TDG: variants seen among roughly 807,000 people sequenced by gnomAD.
TDG encodes the protein G/T mismatch-specific thymine DNA glycosylase.
TDG carries 23 observed loss-of-function variants against 46.1 expected under a neutral mutation model. The observed-to-expected ratio is 0.50, with a 90% CI of 0.36 to 0.71. The LOEUF (loss-of-function observed/expected upper bound fraction) is 0.71. TDG is among the 30% of genes least tolerant of loss of function. The probability of loss-of-function intolerance (pLI) is 0.00; values close to 1 mark genes in which losing one functional copy is unlikely to be tolerated. For synonymous variants in TDG, 115 were observed against 161.3 expected (o/e 0.71, Z 2.18); for missense variants, 304 against 486.7 (o/e 0.62, Z 3.53).
At chr12:103,971,604 C>T (rs1871286645) in intron 1 of TDG, among the ~76,000 whole-genome samples, 1 of 151,848 alleles carries the variant, frequency 6.6e-6, no homozygotes, top group Non-Finnish European at 1.5e-5. Flanking sequence ...ATGAGCGCTG[C>T]AGTTCAACAG....
chr12:103,967,831 GTTTTTT>G (rs67523981), intron 1 of TDG: 1 of 142,412 alleles, frequency 7.0e-6, no homozygotes, highest in South Asian at 2.1e-4. Flanking sequence ...TTTTTTTTTT[GTTTTTT>G]TTTTTTTTTG....
At chr12:103,984,693 G>T in intron 7 of TDG, 56 bp from the exon 8 acceptor site, 3 of 1,316,838 alleles carry the variant, frequency 2.3e-6, no homozygotes, top group Non-Finnish European at 3.0e-6. Flanking sequence ...TAATCTCAAT[G>T]AGTGAATTCA....
At chr12:103,976,779 C>T in intron 1 of TDG, 139 bp from the exon 2 acceptor site, 1 of 1,044,724 alleles carries the variant, frequency 9.6e-7, no homozygotes, top group African/African-American at 1.6e-5. Flanking sequence ...GATCTCTCCT[C>T]TGTAATCCAC....
rs1321873812 is a variant in TDG, at chr12:103,965,921, G to C, written c.-117G>C. The C allele has an allele frequency of 1.4e-6, 2 of 1,457,250 alleles. No homozygotes were observed. The highest frequency in any genetic ancestry group is 1.8e-6 in the Non-Finnish European group (2 of 1,083,150). The allele number at this position is 1,457,250 out of a possible 1,614,324, so 90.3% of individuals were successfully genotyped here. On this transcript the variant is annotated 5_prime_UTR_variant, in exon 1 of 10. Coordinates refer to ENST00000392872, the MANE Select transcript of TDG (RefSeq NM_003211.6). ...TCCAGCCACTGTCTGGGTACTGCCA[G>C]CCATCGGGCCCAGGTCTCTGGGGTT...
Position 103,987,721 on chromosome 12 carries a change from CTA to C in TDG, c.*632_*633del, listed in dbSNP as rs1872248270. 6.6e-6 allele frequency: 1 copy of C among 152,632 alleles called. No homozygotes were observed. The highest frequency in any genetic ancestry group is 1.5e-5 in the Non-Finnish European group (1 of 68,092). The allele number at this position is 152,632 out of a possible 1,614,324, so 9.5% of individuals were successfully genotyped here. A position where few individuals can be genotyped will look rare whatever the true frequency, so the allele number is the denominator to read the frequency against. On this transcript the variant is annotated 3_prime_UTR_variant, in exon 10 of 10. Transcript: ENST00000392872. ...CTGCTCAGCCCTGTGTGTTAATCCT[CTA>C]GTAGCCAATTAACTACTCTGGGGTG...
At chr12:103,966,122 C>A in intron 1 of TDG, 62 bp downstream of exon 1, 1 of 1,285,982 alleles carries the variant, frequency 7.8e-7, no homozygotes, top group Non-Finnish European at 1.0e-6. Context: ...GGCTGGCTGG[C>A]GCGCGCGCGC....
chr12:103,970,517 A>C (rs1871242398), intron 1 of TDG, among the ~76,000 whole-genome samples: 1 of 151,912 alleles, frequency 6.6e-6, no homozygotes, highest in Non-Finnish European at 1.5e-5. Context: ...AAATAGTGTA[A>C]AATAATTGAA....
chr12:103,986,347 C>G (rs1872156835), intron 9 of TDG: 1 of 152,192 alleles, frequency 6.6e-6, no homozygotes, highest in Non-Finnish European at 1.5e-5. Context: ...GCTTGCTTAA[C>G]TATTTTAATA....
intron 1 of TDG, 127 bp from the exon 2 acceptor site, chr12:103,976,791 C>G: frequency 8.5e-7 from 1 of 1,176,728 alleles, no homozygotes; most frequent in Non-Finnish European, 1.2e-6. Flanking sequence ...GTAATCCACT[C>G]TAAATAAATA....
At position 103,988,266 on chromosome 12, in the gene TDG, C is replaced by A. The variant is rs1459610389; in HGVS notation, c.*1176C>A. On this transcript the variant is annotated 3_prime_UTR_variant, in exon 10 of 10. Coordinates refer to ENST00000392872, the MANE Select transcript of TDG (RefSeq NM_003211.6). ...CTGAATATTCTGATTTCATACGTAC[C>A]CAGGGAGCATGCTGTTTTGTCAATC... 1 of 152,326 alleles carries A rather than the reference C, an allele frequency of 6.6e-6. No individual in the cohort carries two copies. The highest frequency in any genetic ancestry group is 1.9e-4 in the East Asian group (1 of 5,190). The allele number at this position is 152,326 out of a possible 1,614,324, so 9.4% of individuals were successfully genotyped here.
intron 2 of TDG, among the ~76,000 whole-genome samples, chr12:103,979,104 T>C (rs1227912522): frequency 1.4e-5 from 1 of 73,816 alleles, no homozygotes; most frequent in Non-Finnish European, 2.7e-5. Flanking sequence ...TTTTCTTTTT[T>C]CTTTCTTTTT....
rs4135111 is a variant in TDG, at chr12:103,982,690, C to T, written c.479-109C>T. 1,411 of 1,100,300 alleles carry T rather than the reference C, an allele frequency of 1.3e-3. 1 individual carries two copies. Among genetic ancestry groups the T allele is most frequent in the Non-Finnish European group, 1.7e-3 (1,311 of 773,402 alleles). The allele number at this position is 1,100,300 out of a possible 1,614,324, so 68.2% of individuals were successfully genotyped here. A position where few individuals can be genotyped will look rare whatever the true frequency, so the allele number is the denominator to read the frequency against. ...TGAAGTGGGAGGATTGCTTGAGCCT[C>T]GGTGGTCGAGGCTGCACTGAGCCAT... On this transcript the variant is annotated intron_variant, in intron 4 of 9. Coordinates refer to ENST00000392872, the MANE Select transcript of TDG (RefSeq NM_003211.6).
intron 8 of TDG, 128 bp downstream of exon 8, chr12:103,985,048 CGTGTATATATACAT>C (rs1300230211): frequency 7.0e-6 from 4 of 568,950 alleles, no homozygotes; most frequent in African/African-American, 2.1e-5. Flanking sequence ...TATATGCACA[CGTGTATATATACAT>C]GTGTATATAT....
chr12:103,972,771 T>G (rs1246271299), intron 1 of TDG, among the ~76,000 whole-genome samples: 1 of 152,210 alleles, frequency 6.6e-6, no homozygotes, highest in Admixed American at 6.5e-5. Context: ...AGATTATTTT[T>G]CCTCTTTATT....
chr12:103,970,293 C>A (rs970067718), intron 1 of TDG, among the ~76,000 whole-genome samples: 3 of 152,086 alleles, frequency 2.0e-5, no homozygotes, highest in African/African-American at 7.2e-5. Flanking sequence ...GCCTGGGCAA[C>A]ATAGTGAAGC....
chr12:103,986,241 T>C (rs570814363), intron 9 of TDG: 1 of 152,236 alleles, frequency 6.6e-6, no homozygotes, highest in Non-Finnish European at 1.5e-5. Context: ...TTTCTTTAAG[T>C]CATGAACTCT....
rs1204818769 is a variant in TDG, at chr12:103,987,334, A to G, written c.*244A>G. ...ATCATTCCAGCTTTTTATATACTATATTTCATTTATGAAGAAATTGATTTT... is the reference window on the plus strand; with the variant it reads ...ATCATTCCAGCTTTTTATATACTATGTTTCATTTATGAAGAAATTGATTTT... On this transcript the variant is annotated 3_prime_UTR_variant, in exon 10 of 10. Coordinates refer to ENST00000392872, the MANE Select transcript of TDG (RefSeq NM_003211.6). The G allele has an allele frequency of 6.4e-6, 3 of 467,048 alleles. No individual in the cohort carries two copies. Among genetic ancestry groups the G allele is most frequent in the African/African-American group, 5.7e-5 (3 of 52,752 alleles). The allele number at this position is 467,048 out of a possible 1,614,324, so 28.9% of individuals were successfully genotyped here. A position where few individuals can be genotyped will look rare whatever the true frequency, so the allele number is the denominator to read the frequency against.
At chr12:103,968,926 C>G (rs570686721) in intron 1 of TDG, among the ~76,000 whole-genome samples, 1 of 152,286 alleles carries the variant, frequency 6.6e-6, no homozygotes, top group South Asian at 2.1e-4. Flanking sequence ...GTCAGGAGTT[C>G]AAGACCAGCC....
chr12:103,985,701 C>A lies in TDG; in HGVS notation c.1063C>A (p.Pro355Thr). ...AYGENPCSSE[P>T]CGFSSNGLIE... The stretch of plus-strand genomic sequence containing the variant: ...CGGAGAAAATCCATGCAGCAGTGAA[C>A]CTTGTGGCTTCTCTTCAAATGGGCT... The change falls in exon 9 of 10, where the codon CCT becomes ACT. Residue 355 changes from proline to threonine, a missense_variant. By Grantham distance (38) the Pro-to-Thr change is conservative (BLOSUM62 -1). Transcript: ENST00000392872. The A allele has an allele frequency of 6.2e-7, 1 of 1,613,930 alleles. No individual in the cohort carries two copies. The highest frequency in any genetic ancestry group is 8.5e-7 in the Non-Finnish European group (1 of 1,179,840).
Sources: allele counts gnomAD v4.1 joint callset (sites outside exome capture counted in the v4.1 genomes callset), GRCh38; gene constraint gnomAD v4.1.1; transcripts MANE v1.5; gene names NCBI Gene and HGNC (gene_info 2026-07-23, HGNC 2026-07-21).